The following SEMA3A variants were observed in gnomAD, a reference collection of about 807,000 sequenced individuals.
SEMA3A encodes the protein semaphorin-3A.
SEMA3A carries 29 observed loss-of-function variants against 97.9 expected under a neutral mutation model. That is an observed-to-expected ratio of 0.30 (90% CI 0.22 to 0.40). The LOEUF is 0.40. SEMA3A is among the 10% of genes least tolerant of loss of function. The pLI, the probability that SEMA3A is intolerant of heterozygous loss-of-function variation, is 1.00. For missense variants in SEMA3A, 763 were observed against 951.3 expected, an observed-to-expected ratio of 0.80 and a Z score of 2.60; for synonymous variants, 321 against 323.7, an observed-to-expected ratio of 0.99 and a Z score of 0.09.
intron 3 of SEMA3A, among the ~76,000 whole-genome samples, chr7:84,115,240 C>T (rs1287352359): frequency 3.3e-5 from 5 of 151,994 alleles, no homozygotes; most frequent in Non-Finnish European, 2.9e-5. Flanking sequence ...TTTAAAGTGG[C>T]TTGAATTATA....
chr7:84,460,054 A>C (rs577142026), intron 1 of SEMA3A, among the ~76,000 whole-genome samples: 2 of 152,274 alleles, frequency 1.3e-5, no homozygotes, highest in East Asian at 1.9e-4. Flanking sequence ...AAACAAAAAA[A>C]CCTAATTCTT....
chr7:84,207,638 A>G (rs1395464038), intron 3 of SEMA3A, among the ~76,000 whole-genome samples: 1 of 152,216 alleles, frequency 6.6e-6, no homozygotes, highest in African/African-American at 2.4e-5. Flanking sequence ...TTCATTACGT[A>G]TAGGTTTGAC....
chr7:84,441,139 C>A (rs1262957463), intron 1 of SEMA3A, among the ~76,000 whole-genome samples: 1 of 151,512 alleles, frequency 6.6e-6, no homozygotes, highest in South Asian at 2.1e-4. Flanking sequence ...GCCTGAGCAA[C>A]AAGAGCAAAA....
chr7:84,162,696 C>G (rs1246005004), intron 1 of SEMA3A, among the ~76,000 whole-genome samples: 2 of 152,068 alleles, frequency 1.3e-5, no homozygotes, highest in African/African-American at 4.8e-5. Flanking sequence ...GGAGTCATTA[C>G]TGTTAACTTA....
At chr7:84,111,465 T>C (rs987263612) in intron 3 of SEMA3A, among the ~76,000 whole-genome samples, 1 of 152,196 alleles carries the variant, frequency 6.6e-6, no homozygotes, top group African/African-American at 2.4e-5. Context: ...TTGCAGCTGA[T>C]TATTTTTATC....
chr7:84,132,657 TTGG>T (rs1360569146), intron 2 of SEMA3A, among the ~76,000 whole-genome samples: 18 of 140,942 alleles, frequency 1.3e-4, no homozygotes, highest in Non-Finnish European at 2.0e-4. Context: ...CTTCATCGAC[TTGG>T]TGTTTTTTTT....
chr7:84,140,782 CTGAAA>C (rs534964928), intron 1 of SEMA3A, among the ~76,000 whole-genome samples: 150 of 152,030 alleles, frequency 9.9e-4, no homozygotes, highest in African/African-American at 3.6e-3. Context: ...AGAATAGAGG[CTGAAA>C]TGAAAGTTCA....
chr7:84,362,061 G>C (rs1386113183), intron 2 of SEMA3A, among the ~76,000 whole-genome samples: 53 of 151,902 alleles, frequency 3.5e-4, no homozygotes, highest in Non-Finnish European at 2.9e-5. Flanking sequence ...GGTTAAGAAA[G>C]AGAGGTCTGA....
In SEMA3A at chr7:84,376,778, TATG is replaced by T. The variant is rs765925192; in HGVS notation, c.-245-4881_-245-4879del. 9.3e-4 allele frequency among the ~76,000 whole-genome samples: 141 copies of T among 152,256 alleles called. 1 individual carries two copies. Among genetic ancestry groups the T allele is most frequent in the Non-Finnish European group, 1.8e-3 (122 of 68,014 alleles). Reference sequence around the variant, plus strand: ...TGTTAAGCATTTGTTCATATATTTTTATGATGTTTGTGTGTCTTCTTTTGAGAA... The same window carrying T: ...TGTTAAGCATTTGTTCATATATTTTTATGTTTGTGTGTCTTCTTTTGAGAA... On this transcript the variant is annotated intron_variant, in intron 1 of 3. Coordinates refer to the SEMA3A transcript ENST00000424555.
intron 4 of SEMA3A, among the ~76,000 whole-genome samples, chr7:84,101,694 G>T (rs1415445491): frequency 1.3e-5 from 2 of 152,118 alleles, no homozygotes; most frequent in African/African-American, 2.4e-5. Context: ...TCAACTATCA[G>T]ATATTAATTT....
In SEMA3A at chr7:84,211,507, G is replaced by A. The variant is rs185199279; in HGVS notation, c.-82-16839C>T. ...ATGCTGGTGCATGCCTGTAATCCCAGCTACTCGGGAGGCTCAGGCAGGGGA... is the reference window on the plus strand; with the variant it reads ...ATGCTGGTGCATGCCTGTAATCCCAACTACTCGGGAGGCTCAGGCAGGGGA... On this transcript the variant is annotated intron_variant, in intron 3 of 3. Coordinates refer to the SEMA3A transcript ENST00000424555. Among the ~76,000 whole-genome samples the A allele has an allele frequency of 4.0e-4, 61 of 151,926 alleles. No individual in the cohort carries two copies. The East Asian group carries it at 9.9e-3, about 25-fold the overall frequency.
chr7:84,329,379 C>T (rs893549994), intron 2 of SEMA3A, among the ~76,000 whole-genome samples: 1 of 151,954 alleles, frequency 6.6e-6, no homozygotes, highest in Admixed American at 6.6e-5. Context: ...GATATCACCA[C>T]ATTATGCCGG....
At chr7:84,227,749 C>T (rs1006926765) in intron 3 of SEMA3A, among the ~76,000 whole-genome samples, 10 of 151,976 alleles carry the variant, frequency 6.6e-5, no homozygotes, top group Non-Finnish European at 1.2e-4. Context: ...CTGAAATACC[C>T]GGCTTATGCA....
At position 84,206,894 on chromosome 7, in the gene SEMA3A, T is replaced by C. The variant is rs535155887; in HGVS notation, c.-82-12226A>G. Among the ~76,000 whole-genome samples the C allele has an allele frequency of 8.4e-4, 128 of 152,272 alleles. 1 individual carries two copies. The highest frequency in any genetic ancestry group is 2.9e-3 in the African/African-American group (120 of 41,554). On this transcript the variant is annotated intron_variant, in intron 3 of 3. Coordinates refer to the SEMA3A transcript ENST00000424555. Reference sequence around the variant, plus strand: ...TGTTTTGTATCATAGCAATTACATATTATAGTAAATATCCCTTTCTGTAAC... The same window carrying C: ...TGTTTTGTATCATAGCAATTACATACTATAGTAAATATCCCTTTCTGTAAC...
chr7:84,272,959 ATCT>A (rs1381746629), intron 3 of SEMA3A, among the ~76,000 whole-genome samples: 2 of 152,102 alleles, frequency 1.3e-5, no homozygotes, highest in African/African-American at 4.8e-5. Flanking sequence ...GAATATATCT[ATCT>A]TCTTTTAAAA....
chr7:84,454,609 T>G (rs568360997), intron 1 of SEMA3A, among the ~76,000 whole-genome samples: 4 of 152,098 alleles, frequency 2.6e-5, no homozygotes, highest in Non-Finnish European at 4.4e-5. Context: ...CAAATAATTT[T>G]CAGTGAAATA....
Position 83,985,467 on chromosome 7 carries a change from G to A in SEMA3A, c.1463C>T (p.Ala488Val). ...AGTGGAAAGCTCCATTGCTGAAATA[G>A]CAGTCGGTTCCTAAAGGAGAAAAAG... ...EEMTVFREPT[A>V]ISAMELSTKQ... Residue 488 changes from alanine (A) to valine (V), a missense_variant, in exon 13 of 17, where the codon GCT (alanine) becomes GTT (valine). Coordinates refer to ENST00000265362, the MANE Select transcript of SEMA3A (RefSeq NM_006080.3). 1 of 1,609,828 alleles carries A rather than the reference G, an allele frequency of 6.2e-7. No individual in the cohort carries two copies. Among genetic ancestry groups the A allele is most frequent in the East Asian group, 2.2e-5 (1 of 44,758 alleles).
At chr7:84,256,001 A>G (rs1584173999) in intron 3 of SEMA3A, among the ~76,000 whole-genome samples, 1 of 152,158 alleles carries the variant, frequency 6.6e-6, no homozygotes, top group African/African-American at 2.4e-5. Context: ...TAGCATCTGG[A>G]GTTTTCTGAA....
At chr7:84,425,469 A>G (rs143397707) in intron 1 of SEMA3A, among the ~76,000 whole-genome samples, 1 of 140,700 alleles carries the variant, frequency 7.1e-6, no homozygotes, top group Non-Finnish European at 1.5e-5. Flanking sequence ...AAATATATAC[A>G]TATATTTATA....
Sources: allele counts gnomAD v4.1 joint callset (sites outside exome capture counted in the v4.1 genomes callset), GRCh38; gene constraint gnomAD v4.1.1; transcripts MANE v1.5; gene names NCBI Gene and HGNC (gene_info 2026-07-23, HGNC 2026-07-21).